The following ZNF705G variants were observed in gnomAD, a reference collection of about 807,000 sequenced individuals.
The protein encoded by ZNF705G is zinc finger protein 705G, also known as putative zinc finger protein 705G.
A neutral mutation model predicts 19.6 loss-of-function variants in ZNF705G; 23 were observed. The ratio of observed to expected loss-of-function variants is 1.17; its 90% CI spans 0.84 to 1.66. The LOEUF (loss-of-function observed/expected upper bound fraction) is 1.66. Among genes scored for constraint, ZNF705G ranks in the 40% most tolerant of loss-of-function variants. The pLI is 0.00. For missense variants in ZNF705G, 457 were observed against 354.4 expected (o/e 1.29, Z -2.32); for synonymous variants, 146 against 117.7 (o/e 1.24, Z -1.56).
chr8:7,369,752 C>G (rs1311565085), intron 2 of ZNF705G, among the ~76,000 whole-genome samples: 2 of 149,308 alleles, frequency 1.3e-5, no homozygotes, highest in African/African-American at 5.2e-5. Flanking sequence ...AACATGGATG[C>G]AGCTGGAGGC....
At chr8:7,368,258 C>A (rs1334552997) in intron 2 of ZNF705G, among the ~76,000 whole-genome samples, 4 of 149,390 alleles carry the variant, frequency 2.7e-5, no homozygotes, top group African/African-American at 1.0e-4. Flanking sequence ...AAGTTGGAAA[C>A]CAAAGAGTTA....
At position 7,370,111 on chromosome 8, in the gene ZNF705G, A is replaced by AC. The variant is rs1238189502; in HGVS notation, c.-71-7095_-71-7094insG. On this transcript the variant is annotated intron_variant, in intron 2 of 6. Transcript: ENST00000400156. Reference sequence around the variant, plus strand: ...ACCCTGTCTCCACTGGAAAAAAAAAAATACAAAAAATTAGCTGGGCATGGT... The same window carrying AC: ...ACCCTGTCTCCACTGGAAAAAAAAAACATACAAAAAATTAGCTGGGCATGGT... 1.2e-3 allele frequency among the ~76,000 whole-genome samples: 177 copies of AC among 148,226 alleles called. 7 individuals are homozygous for AC. Among genetic ancestry groups the AC allele is most frequent in the African/African-American group, 4.3e-3 (164 of 38,136 alleles).
chr8:7,369,652 G>T (rs181132004), intron 2 of ZNF705G, among the ~76,000 whole-genome samples: 1 of 149,654 alleles, frequency 6.7e-6, no homozygotes, highest in Non-Finnish European at 1.5e-5. Flanking sequence ...CAACCTAGAT[G>T]CCCATCAATG....
rs773893645 is a variant in ZNF705G at position 7,361,090 on chromosome 8, A to T, written c.139+20T>A. 9 of 1,592,696 alleles carry T rather than the reference A, an allele frequency of 5.7e-6. No homozygotes were observed. The highest frequency in any genetic ancestry group is 2.2e-4 in the Middle Eastern group (1 of 4,494). On this transcript the variant is annotated intron_variant, in intron 4 of 6. Transcript: ENST00000400156. ...AGTGAATGTGTCTCTACATATGTAC[A>T]TGAATGTTCAGGGACTCACCGAGGG... is the stretch of plus-strand genomic sequence containing the variant.
Position 7,358,571 on chromosome 8 carries a change from A to G in ZNF705G, c.319-11T>C, listed in dbSNP as rs1188561254. ...AATGAGAGAGTTCTCCTTTGGGGCA[A>G]ATATTAAAAGCTCTTAATGGTTTAC... On this transcript the variant is annotated splice_polypyrimidine_tract_variant and intron_variant, in intron 6 of 6. Coordinates refer to ENST00000400156, the MANE Select transcript of ZNF705G (RefSeq NM_001164457.3). 5.6e-6 allele frequency: 9 copies of G among 1,606,996 alleles called. No homozygotes were observed. In the South Asian group the frequency reaches 9.9e-5, roughly 18 times the overall value.
intron 2 of ZNF705G, among the ~76,000 whole-genome samples, chr8:7,380,788 G>A (rs577340419): frequency 2.1e-5 from 3 of 145,904 alleles, no homozygotes; most frequent in South Asian, 2.1e-4. Context: ...GGAAGGCTGA[G>A]GGGGGCAGAT....
intron 1 of ZNF705G, among the ~76,000 whole-genome samples, chr8:7,383,417 C>T (rs1173624051): frequency 6.8e-6 from 1 of 146,442 alleles, no homozygotes; most frequent in Admixed American, 6.6e-5. Flanking sequence ...GTAACAGGCA[C>T]TGTCTGATTA....
chr8:7,382,350 A>G (rs1462204696), intron 1 of ZNF705G, among the ~76,000 whole-genome samples: 2 of 147,138 alleles, frequency 1.4e-5, no homozygotes, highest in Admixed American at 6.6e-5. Context: ...AGTCTTCACA[A>G]TAATTTTGCA....
intron 1 of ZNF705G, among the ~76,000 whole-genome samples, chr8:7,382,506 C>A (rs1196787863): frequency 6.8e-6 from 1 of 146,566 alleles, no homozygotes; most frequent in Non-Finnish European, 1.5e-5. Context: ...CATCTATCAA[C>A]TTTCCTTTTG....
Position 7,356,885 on chromosome 8 carries a change from G to C in ZNF705G, c.*1091C>G, listed in dbSNP as rs748440600. On this transcript the variant is annotated 3_prime_UTR_variant, in exon 7 of 7. Transcript: ENST00000400156. The stretch of plus-strand genomic sequence containing the variant: ...TGAGATTTCTTATATAATTCTGCAC[G>C]CAATTTATTCCCTGGTCACTTTGCT... 1.3e-5 allele frequency: 2 copies of C among 149,874 alleles called. No individual in the cohort carries two copies. Among genetic ancestry groups the C allele is most frequent in the Non-Finnish European group, 2.9e-5 (2 of 68,012 alleles). The allele number at this position is 149,874 out of a possible 1,614,324, so 9.3% of individuals were successfully genotyped here.
chr8:7,356,759 C>G lies in ZNF705G; in HGVS notation c.*1217G>C, dbSNP rs1348635867. 2.0e-5 allele frequency: 3 copies of G among 149,598 alleles called. No homozygotes were observed. The highest frequency in any genetic ancestry group is 2.9e-5 in the Non-Finnish European group (2 of 68,024). 9.3% of individuals were successfully genotyped at this position (149,598 alleles called of 1,614,324 possible). A position where few individuals can be genotyped will look rare whatever the true frequency, so the allele number is the denominator to read the frequency against. Reference sequence around the variant, plus strand: ...CAGGTGCAAATCCATTTGTTAGGGCCGCATAAATGAAACAAGGGCTTTGCC... The same window carrying G: ...CAGGTGCAAATCCATTTGTTAGGGCGGCATAAATGAAACAAGGGCTTTGCC... On this transcript the variant is annotated 3_prime_UTR_variant, in exon 7 of 7. Coordinates refer to ENST00000400156, the MANE Select transcript of ZNF705G (RefSeq NM_001164457.3).
Position 7,356,435 on chromosome 8 carries a change from C to A in ZNF705G, c.*1541G>T, listed in dbSNP as rs193100187. 6.7e-6 allele frequency: 1 copy of A among 149,742 alleles called. No homozygotes were observed. The allele number at this position is 149,742 out of a possible 1,614,324, so 9.3% of individuals were successfully genotyped here. On this transcript the variant is annotated 3_prime_UTR_variant, in exon 7 of 7. Transcript: ENST00000400156. ...GATAGAAGAGAAGAGCTGCCTTATT[C>A]TCTGATCCCAGTTAACTGCCTAGAG...
intron 2 of ZNF705G, among the ~76,000 whole-genome samples, chr8:7,370,435 G>C (rs1421932087): frequency 6.7e-6 from 1 of 149,642 alleles, no homozygotes; most frequent in African/African-American, 2.6e-5. Flanking sequence ...TTATCAAAAA[G>C]ATGTATAACA....
Position 7,371,485 on chromosome 8 carries a change from A to AAAT in ZNF705G, c.-71-8471_-71-8469dup, listed in dbSNP as rs1288912811. 2.0e-4 allele frequency among the ~76,000 whole-genome samples: 23 copies of AAAT among 112,246 alleles called. 1 individual carries two copies. Among genetic ancestry groups the AAAT allele is most frequent in the African/African-American group, 7.4e-4 (22 of 29,558 alleles). 73.6% of individuals were successfully genotyped at this position (112,246 alleles called of 152,430 possible). On this transcript the variant is annotated intron_variant, in intron 2 of 6. Transcript: ENST00000400156. Reference sequence around the variant, plus strand: ...TTCTTACCAATATTTCTTACCAAAAAAATAATAATAATAAAGGGGAGGGGA... The same window carrying AAAT: ...TTCTTACCAATATTTCTTACCAAAAAAATAATAATAATAATAAAGGGGAGGGGA...
chr8:7,356,129 G>C lies in ZNF705G; in HGVS notation c.*1847C>G, dbSNP rs1806220510. ...CACGGACAATACATTTTTCAATTCT[G>C]AGGACAAGGCAGAGGAGGGCCCCTC... On this transcript the variant is annotated 3_prime_UTR_variant, in exon 7 of 7. Transcript: ENST00000400156. The C allele has an allele frequency of 6.7e-6, 1 of 149,268 alleles. No homozygotes were observed. Among genetic ancestry groups the C allele is most frequent in the African/African-American group, 2.6e-5 (1 of 38,722 alleles). The allele number at this position is 149,268 out of a possible 1,614,324, so 9.2% of individuals were successfully genotyped here.
chr8:7,363,926 A>G (rs1344193751), intron 2 of ZNF705G, among the ~76,000 whole-genome samples: 1 of 149,636 alleles, frequency 6.7e-6, no homozygotes. Flanking sequence ...AATCTCCTGC[A>G]TCAGAAATTA....
intron 1 of ZNF705G, among the ~76,000 whole-genome samples, 159 bp downstream of exon 1, chr8:7,385,339 C>T (rs1318776433): frequency 6.7e-6 from 1 of 148,586 alleles, no homozygotes; most frequent in Non-Finnish European, 1.5e-5. Context: ...GGTGATAATA[C>T]TACTGATAAT....
chr8:7,363,868 A>G lies in ZNF705G; in HGVS notation c.-71-851T>C, dbSNP rs531570147. 3.3e-5 allele frequency among the ~76,000 whole-genome samples: 5 copies of G among 149,412 alleles called. No homozygotes were observed. In the East Asian group the frequency reaches 7.7e-4, roughly 23 times the overall value. On this transcript the variant is annotated intron_variant, in intron 2 of 6. Transcript: ENST00000400156. ...ATGGGGATAATCAATTGAGGGATTTATTTCACTTAGAGGGTCAACACTCCC... is the reference window on the plus strand; with the variant it reads ...ATGGGGATAATCAATTGAGGGATTTGTTTCACTTAGAGGGTCAACACTCCC...
chr8:7,381,750 G>C (rs1482983126), intron 1 of ZNF705G, 149 bp from the exon 2 acceptor site: 2 of 149,196 alleles, frequency 1.3e-5, no homozygotes, highest in Admixed American at 6.6e-5. Context: ...CTAGAGGGTG[G>C]AGGGAGGAGT....
Sources: allele counts gnomAD v4.1 joint callset (sites outside exome capture counted in the v4.1 genomes callset), GRCh38; gene constraint gnomAD v4.1.1; transcripts MANE v1.5; gene names NCBI Gene and HGNC (gene_info 2026-07-23, HGNC 2026-07-21).